CHD8: variants seen among roughly 807,000 people sequenced by gnomAD.
The protein encoded by CHD8 is ATP-dependent chromatin remodeler CHD8.
CHD8 carries 31 observed loss-of-function variants against 279.2 expected under a neutral mutation model. That is an observed-to-expected ratio of 0.11 (90% confidence interval 0.08 to 0.15). CHD8 has a LOEUF of 0.15. CHD8 is among the 10% of genes least tolerant of loss of function. The pLI, the probability that CHD8 is intolerant of heterozygous loss-of-function variation, is 1.00. For synonymous variants in CHD8, 1,081 were observed against 1,139.6 expected (o/e 0.95, Z 1.04); for missense variants, 2,146 against 3,230.5 (o/e 0.66, Z 8.14).
intron 1 of CHD8, chr14:21,437,277 A>G (rs536399560): frequency 8.7e-7 from 1 of 1,143,578 alleles, no homozygotes; most frequent in South Asian, 1.8e-5. Context: ...ACCTAACCTG[A>G]TGCTCCTGCC....
At chr14:21,454,061 G>T (rs902612884) in intron 1 of CHD8, among the ~76,000 whole-genome samples, 2 of 151,842 alleles carry the variant, frequency 1.3e-5, no homozygotes, top group Admixed American at 1.3e-4. Context: ...GGAAGGCTCA[G>T]GCAGGAGAAT....
At position 21,405,952 on chromosome 14, in the gene CHD8, T is replaced by A. The variant is rs1888236644; in HGVS notation, c.2908-88A>T. 1.7e-5 allele frequency: 16 copies of A among 958,852 alleles called. No individual in the cohort carries two copies. Among genetic ancestry groups the A allele is most frequent in the Non-Finnish European group, 2.4e-5 (16 of 669,396 alleles). 59.4% of individuals were successfully genotyped at this position (958,852 alleles called of 1,614,324 possible). ...TCAAGTATATAATCTTTAACATATA[T>A]AACCTTTAATTTCTTTATCTATAAA... On this transcript the variant is annotated intron_variant, in intron 14 of 37. Transcript: ENST00000646647. The surrounding 1 kb of genome is among the most constrained non-coding windows in gnomAD (Gnocchi z 4.2).
chr14:21,432,958 G>C (rs1352940402), intron 1 of CHD8, among the ~76,000 whole-genome samples: 1 of 152,090 alleles, frequency 6.6e-6, no homozygotes, highest in Non-Finnish European at 1.5e-5. Context: ...CTGGAAAACT[G>C]CCATACTAAA....
chr14:21,419,338 T>C (rs1026018137), intron 5 of CHD8, among the ~76,000 whole-genome samples: 1 of 152,232 alleles, frequency 6.6e-6, no homozygotes, highest in East Asian at 1.9e-4. Flanking sequence ...GCGGGCAGAC[T>C]GCCTGAGCTC....
At chr14:21,414,729 C>G in intron 8 of CHD8, 1 of 611,990 alleles carries the variant, frequency 1.6e-6, no homozygotes, top group Non-Finnish European at 2.9e-6. Context: ...TTATCAGGAA[C>G]CACCCTCACC....
chr14:21,441,415 C>T lies in CHD8; in HGVS notation c.-215-9557G>A, dbSNP rs555950193. Among the ~76,000 whole-genome samples the T allele has an allele frequency of 7.9e-5, 12 of 152,230 alleles. No individual in the cohort carries two copies. The South Asian group carries it at 2.5e-3, about 32-fold the overall frequency. On this transcript the variant is annotated intron_variant, in intron 1 of 37. Coordinates refer to ENST00000646647, the MANE Select transcript of CHD8 (RefSeq NM_001170629.2). ...AGAATCCTAACACAATTATTAGGGC[C>T]TAAATTATAGCAATATGGTTCAAAA...
Position 21,405,060 on chromosome 14 carries a change from T to G in CHD8, c.3307+149A>C, listed in dbSNP as rs1321097588. 1 of 716,592 alleles carries G rather than the reference T, an allele frequency of 1.4e-6. No homozygotes were observed. Among genetic ancestry groups the G allele is most frequent in the Non-Finnish European group, 2.3e-6 (1 of 442,888 alleles). 44.4% of individuals were successfully genotyped at this position (716,592 alleles called of 1,614,324 possible). On this transcript the variant is annotated intron_variant, in intron 16 of 37. Transcript: ENST00000646647. The surrounding 1 kb of genome is among the most constrained non-coding windows in gnomAD (Gnocchi z 4.2). ...TTGCCCAGGCTTAGAGTCTCTTTTT[T>G]AAAAGGAGAACCATTTCCCTCCCAT... is the stretch of plus-strand genomic sequence containing the variant.
In CHD8 at chr14:21,386,127, G is replaced by A. The variant is rs1394683431; in HGVS notation, c.7232C>T (p.Ala2411Val). ...VFNRVLPGPI[A>V]PESSKKRARR... ...GGCCCGCTTCTTGCTGCTCTCTGGT[G>A]CAATAGGCCCTGGCAAAACCCGGTT... is the stretch of plus-strand genomic sequence containing the variant. Residue 2411 changes from alanine (A) to valine (V), a missense_variant, in exon 38 of 38, where the codon GCA becomes GTA. By Grantham distance (64) the Ala-to-Val change is moderately conservative (BLOSUM62 0). Around this residue, in one of 26 missense-constraint regions of CHD8, gnomAD observed 336 missense variants for 392.9 expected, o/e 0.86. Coordinates refer to ENST00000646647, the MANE Select transcript of CHD8 (RefSeq NM_001170629.2). 16 of 1,553,368 alleles carry A rather than the reference G, an allele frequency of 1.0e-5. No homozygotes were observed. The highest frequency in any genetic ancestry group is 1.2e-5 in the Non-Finnish European group (14 of 1,147,872).
intron 11 of CHD8, among the ~76,000 whole-genome samples, chr14:21,409,586 A>G (rs114923964): frequency 2.0e-5 from 3 of 152,302 alleles, no homozygotes; most frequent in African/African-American, 7.2e-5. Context: ...AAACACTGTA[A>G]TATTTACAGA....
intron 10 of CHD8, 150 bp downstream of exon 10, chr14:21,412,763 A>G: frequency 1.6e-6 from 1 of 641,518 alleles, no homozygotes; most frequent in African/African-American, 1.8e-5. Context: ...CTTACCTCCC[A>G]TTATCTTTCA....
At chr14:21,398,720 G>A (rs1887899187) in intron 26 of CHD8, 1 of 153,198 alleles carries the variant, frequency 6.5e-6, no homozygotes, top group African/African-American at 2.4e-5. Flanking sequence ...ACTGCTATAA[G>A]AGTAAGGAAA....
chr14:21,399,000 G>A (rs549381688), intron 26 of CHD8: 2 of 414,554 alleles, frequency 4.8e-6, no homozygotes, highest in East Asian at 6.8e-5. Context: ...CAGTGAAAAT[G>A]TCAAAGCCAA....
chr14:21,414,000 A>C (rs1394374978), intron 9 of CHD8: 4 of 268,984 alleles, frequency 1.5e-5, no homozygotes, highest in Non-Finnish European at 2.8e-5. Flanking sequence ...TCAATAGCTA[A>C]AGAAAGACAA....
In CHD8 at chr14:21,405,609, G is replaced by T; in HGVS notation, c.3051+112C>A. 1 of 1,459,530 alleles carries T rather than the reference G, an allele frequency of 6.9e-7. No individual in the cohort carries two copies. The highest frequency in any genetic ancestry group is 9.3e-7 in the Non-Finnish European group (1 of 1,070,228). The allele number at this position is 1,459,530 out of a possible 1,614,324, so 90.4% of individuals were successfully genotyped here. On this transcript the variant is annotated intron_variant, in intron 15 of 37. Coordinates refer to ENST00000646647, the MANE Select transcript of CHD8 (RefSeq NM_001170629.2). This position sits in a 1 kb window ranked among gnomAD's most constrained non-coding sequence, Gnocchi z 4.2. ...ATGCCACAAATGATGTAGGCACAAG[G>T]TTATAAGGAGTTCAGAAAGGCCCTT...
intron 10 of CHD8, among the ~76,000 whole-genome samples, chr14:21,410,206 G>A (rs925628012): frequency 1.5e-4 from 23 of 151,694 alleles, no homozygotes; most frequent in Non-Finnish European, 3.4e-4. Context: ...GTTCTAAAAG[G>A]AAAATTTCTA....
chr14:21,420,465 A>C (rs1226896081), intron 5 of CHD8, among the ~76,000 whole-genome samples: 1 of 152,230 alleles, frequency 6.6e-6, no homozygotes, highest in Non-Finnish European at 1.5e-5. Flanking sequence ...CTGTTGATAA[A>C]TATTAAAGTG....
At chr14:21,417,490 AG>A (rs1174833987) in intron 5 of CHD8, among the ~76,000 whole-genome samples, 1 of 152,134 alleles carries the variant, frequency 6.6e-6, no homozygotes, top group Non-Finnish European at 1.5e-5. Flanking sequence ...CTGAGGTGGC[AG>A]GATCACTCAA....
rs867745708 is a variant in CHD8, at chr14:21,391,325, A to T, written c.7065+138T>A. On this transcript the variant is annotated intron_variant, in intron 36 of 37. Coordinates refer to ENST00000646647, the MANE Select transcript of CHD8 (RefSeq NM_001170629.2). ...GCATCACAACAATTGTGAGGTTGGA[A>T]GACTGGGTATTATTAATTATTACCC... 3.6e-5 allele frequency: 30 copies of T among 829,868 alleles called. No individual in the cohort carries two copies. The Middle Eastern group carries it at 8.4e-4, about 23-fold the overall frequency. 51.4% of individuals were successfully genotyped at this position (829,868 alleles called of 1,614,324 possible).
Position 21,440,509 on chromosome 14 carries a change from G to A in CHD8, c.-215-8651C>T, listed in dbSNP as rs568719154. Among the ~76,000 whole-genome samples, 4 of 152,058 alleles carry A rather than the reference G, an allele frequency of 2.6e-5. No homozygotes were observed. The East Asian group carries it at 7.7e-4, about 29-fold the overall frequency. On this transcript the variant is annotated intron_variant, in intron 1 of 37. Coordinates refer to ENST00000646647, the MANE Select transcript of CHD8 (RefSeq NM_001170629.2). ...GGTGTGAGCCACCGCATCCAGCCAAGAAAATAGTTTCTTAAACAATGAGGA... is the reference window on the plus strand; with the variant it reads ...GGTGTGAGCCACCGCATCCAGCCAAAAAAATAGTTTCTTAAACAATGAGGA...
Sources: allele counts gnomAD v4.1 joint callset (sites outside exome capture counted in the v4.1 genomes callset), GRCh38; gene constraint gnomAD v4.1.1; regional missense constraint gnomAD v4.1.1; non-coding constraint Gnocchi (gnomAD v3.1); transcripts MANE v1.5; gene names NCBI Gene and HGNC (gene_info 2026-07-23, HGNC 2026-07-21).